Variants in CLASP1 observed in about 807,000 individuals in gnomAD.
The protein encoded by CLASP1 is cytoplasmic linker associated protein 1.
Under a neutral mutation model 192.3 loss-of-function variants are expected in CLASP1, and 38 were observed. That is an observed-to-expected ratio of 0.20 (90% confidence interval 0.15 to 0.26). CLASP1 has a LOEUF of 0.26. CLASP1 is among the 10% of genes least tolerant of loss of function. The pLI, the probability that CLASP1 is intolerant of heterozygous loss-of-function variation, is 1.00. For synonymous variants in CLASP1, 691 were observed against 712.8 expected (o/e 0.97, Z 0.49); for missense variants, 1,433 against 1,932.5 (o/e 0.74, Z 4.85).
chr2:121,495,643 A>G (rs1356438101), intron 8 of CLASP1, among the ~76,000 whole-genome samples: 5 of 152,206 alleles, frequency 3.3e-5, no homozygotes, highest in Admixed American at 3.3e-4. Flanking sequence ...CCTGGGCAAC[A>G]AGAGCAAAAC....
chr2:121,480,097 A>G (rs2092463169), intron 8 of CLASP1, among the ~76,000 whole-genome samples: 1 of 152,226 alleles, frequency 6.6e-6, no homozygotes, highest in Admixed American at 6.5e-5. Flanking sequence ...CAATGACACC[A>G]CTGGTACAGA....
At chr2:121,343,251 G>A (rs528136533) in intron 39 of CLASP1, among the ~76,000 whole-genome samples, 1 of 152,318 alleles carries the variant, frequency 6.6e-6, no homozygotes, top group South Asian at 2.1e-4. Flanking sequence ...ACAAGTGTTG[G>A]TGAGGATGTG....
At chr2:121,405,141 C>G (rs2076723170) in intron 25 of CLASP1, among the ~76,000 whole-genome samples, 1 of 151,738 alleles carries the variant, frequency 6.6e-6, no homozygotes, top group African/African-American at 2.4e-5. Context: ...AAACCCTGTC[C>G]CTACTAAAAA....
chr2:121,410,863 T>C lies in CLASP1; in HGVS notation c.2424+3A>G. 6.3e-7 allele frequency: 1 copy of C among 1,593,288 alleles called. No individual in the cohort carries two copies. The highest frequency in any genetic ancestry group is 8.6e-7 in the Non-Finnish European group (1 of 1,164,178). ...CTGTGTACATACATACTGTGCCTCT[T>C]ACCAAAGCATCAGCAACAGCAGCTT... On this transcript the variant is annotated splice_donor_region_variant and intron_variant, in intron 24 of 39. Transcript: ENST00000263710.
chr2:121,646,764 G>A (rs762494854), intron 1 of CLASP1, among the ~76,000 whole-genome samples: 9 of 152,154 alleles, frequency 5.9e-5, no homozygotes, highest in Non-Finnish European at 1.3e-4. Flanking sequence ...TAGGCCAGGC[G>A]TGGTGGCTCA....
chr2:121,616,658 T>A (rs1449154150), intron 1 of CLASP1, among the ~76,000 whole-genome samples: 1 of 152,162 alleles, frequency 6.6e-6, no homozygotes, highest in East Asian at 1.9e-4. Context: ...TTAGGATGAT[T>A]TCTGCAACAA....
intron 2 of CLASP1, among the ~76,000 whole-genome samples, chr2:121,571,548 G>A (rs1281960466): frequency 2.6e-5 from 4 of 152,122 alleles, no homozygotes; most frequent in Admixed American, 2.6e-4. Context: ...GTAGCAAATG[G>A]CAACAACACA....
chr2:121,371,307 T>A (rs1390920540), intron 34 of CLASP1, among the ~76,000 whole-genome samples: 1 of 152,098 alleles, frequency 6.6e-6, no homozygotes, highest in Admixed American at 6.5e-5. Context: ...CGTAGCTTAC[T>A]GCAGCCTCAA....
chr2:121,529,608 G>A (rs1370938794), intron 3 of CLASP1, among the ~76,000 whole-genome samples: 3 of 152,100 alleles, frequency 2.0e-5, no homozygotes, highest in Non-Finnish European at 4.4e-5. Context: ...AAACACCGGA[G>A]GTCAGGAATT....
intron 2 of CLASP1, among the ~76,000 whole-genome samples, chr2:121,551,901 T>C (rs2058081864): frequency 6.6e-6 from 1 of 152,148 alleles, no homozygotes; most frequent in African/African-American, 2.4e-5. Flanking sequence ...AAGGCAATCC[T>C]ATGCAAAAAG....
chr2:121,395,819 G>A (rs1036640365), intron 30 of CLASP1, among the ~76,000 whole-genome samples: 1 of 152,200 alleles, frequency 6.6e-6, no homozygotes, highest in African/African-American at 2.4e-5. Flanking sequence ...TAGGTCCAAG[G>A]AAGGGAGGTA....
chr2:121,563,048 T>C (rs531636084), intron 2 of CLASP1, among the ~76,000 whole-genome samples: 2 of 152,256 alleles, frequency 1.3e-5, no homozygotes, highest in East Asian at 3.9e-4. Context: ...ACCTGCCCCA[T>C]CTGGTGTCAC....
rs1558899405 is a variant in CLASP1, at chr2:121,367,571, AG to A, written c.3886+16del. 6.2e-7 allele frequency: 1 copy of A among 1,613,860 alleles called. No individual in the cohort carries two copies. The highest frequency in any genetic ancestry group is 1.3e-5 in the African/African-American group (1 of 75,044). ...AAGCACTTCTGGGTGGGGACAGTTA[AG>A]AAAAGAGACACCAACCGTCTCGAAG... On this transcript the variant is annotated intron_variant, in intron 35 of 39. Transcript: ENST00000263710.
intron 30 of CLASP1, among the ~76,000 whole-genome samples, chr2:121,388,786 GA>G (rs1185230681): frequency 2.0e-5 from 3 of 152,264 alleles, no homozygotes. Context: ...TCAAGAGAAA[GA>G]AAAAGACATA....
In CLASP1 at chr2:121,376,681, G is replaced by A. The variant is rs561664957; in HGVS notation, c.3642+818C>T. ...GGCCTGTTAGGAACTAGGCAGCACAGCAGGTGAGCAGTGGGCAAGTGAGTG... is the reference window on the plus strand; with the variant it reads ...GGCCTGTTAGGAACTAGGCAGCACAACAGGTGAGCAGTGGGCAAGTGAGTG... On this transcript the variant is annotated intron_variant, in intron 34 of 39. Transcript: ENST00000263710. 3.3e-5 allele frequency among the ~76,000 whole-genome samples: 5 copies of A among 152,300 alleles called. No homozygotes were observed. The East Asian group carries it at 7.7e-4, about 24-fold the overall frequency.
chr2:121,380,096 C>G (rs978405868), intron 33 of CLASP1, among the ~76,000 whole-genome samples: 1 of 152,178 alleles, frequency 6.6e-6, no homozygotes, highest in Non-Finnish European at 1.5e-5. Context: ...ACAGACCATG[C>G]TACTTTCTTT....
At chr2:121,391,041 C>G (rs2149401671) in intron 30 of CLASP1, among the ~76,000 whole-genome samples, 1 of 152,224 alleles carries the variant, frequency 6.6e-6, no homozygotes, top group East Asian at 1.9e-4. Context: ...ATAAACATGG[C>G]TATATCACTG....
chr2:121,376,975 T>C (rs929944764), intron 34 of CLASP1, among the ~76,000 whole-genome samples: 4 of 152,200 alleles, frequency 2.6e-5, no homozygotes, highest in African/African-American at 9.7e-5. Flanking sequence ...GTGAGTTGTA[T>C]AATTATTTCA....
chr2:121,469,799 T>C lies in CLASP1; in HGVS notation c.865+9A>G, dbSNP rs773261381. ...TGACCCCAGAACGCCACACAGGGCT[T>C]AGACTAACCTGAAGACTTGGATCCA... On this transcript the variant is annotated intron_variant, in intron 9 of 39. Transcript: ENST00000263710. The C allele has an allele frequency of 6.2e-7, 1 of 1,608,738 alleles. No individual in the cohort carries two copies. The highest frequency in any genetic ancestry group is 1.7e-5 in the Admixed American group (1 of 58,368).
Sources: gnomAD v4.1 joint callset for allele counts (sites outside exome capture counted in the v4.1 genomes callset) on GRCh38, gnomAD v4.1.1 for gene constraint, MANE v1.5 for transcripts, NCBI Gene and HGNC (gene_info 2026-07-23, HGNC 2026-07-21) for gene names.